XYLT1: variants seen among roughly 807,000 people sequenced by gnomAD.
The protein encoded by XYLT1 is beta-D-xylosyltransferase 1.
XYLT1 carries 36 observed loss-of-function variants against 91.3 expected under a neutral mutation model. The ratio of observed to expected loss-of-function variants is 0.39; its 90% CI spans 0.30 to 0.52. The LOEUF is 0.52. XYLT1 is among the 20% of genes least tolerant of loss of function. The probability of loss-of-function intolerance (pLI) is 0.68; values close to 1 mark genes in which losing one functional copy is unlikely to be tolerated. For missense variants in XYLT1, 1,242 were observed against 1,284.5 expected, an observed-to-expected ratio of 0.97 and a Z score of 0.51; for synonymous variants, 588 against 532.0, an observed-to-expected ratio of 1.11 and a Z score of -1.45.
chr16:17,453,416 A>G (rs2036693774), intron 1 of XYLT1, among the ~76,000 whole-genome samples: 1 of 152,222 alleles, frequency 6.6e-6, no homozygotes, highest in South Asian at 2.1e-4. Flanking sequence ...CAAACCTGAA[A>G]GATGGGTGGA....
intron 2 of XYLT1, chr16:17,338,538 A>T (rs756364549): frequency 4.4e-6 from 2 of 455,892 alleles, no homozygotes; most frequent in South Asian, 1.5e-5. Context: ...TGATTTTCTG[A>T]CAAGGCTCAA....
chr16:17,403,702 G>C (rs1167670302), intron 1 of XYLT1, among the ~76,000 whole-genome samples: 2 of 152,188 alleles, frequency 1.3e-5, no homozygotes, highest in Non-Finnish European at 2.9e-5. Context: ...GAAGAGACTT[G>C]GGTGTGAACA....
intron 1 of XYLT1, among the ~76,000 whole-genome samples, chr16:17,468,632 G>A (rs2036933201): frequency 6.6e-6 from 1 of 152,170 alleles, no homozygotes; most frequent in Non-Finnish European, 1.5e-5. Flanking sequence ...GAGAGGGGCT[G>A]GGGGTGGATG....
At chr16:17,369,318 A>T (rs1025864001) in intron 1 of XYLT1, among the ~76,000 whole-genome samples, 2 of 151,814 alleles carry the variant, frequency 1.3e-5, no homozygotes, top group Non-Finnish European at 2.9e-5. Flanking sequence ...TACTTTTTTT[A>T]AAATTAGGTG....
chr16:17,447,795 T>A (rs576094380), intron 1 of XYLT1, among the ~76,000 whole-genome samples: 13 of 152,310 alleles, frequency 8.5e-5, no homozygotes, highest in Non-Finnish European at 1.2e-4. Flanking sequence ...AGCCTCAATG[T>A]CCACATTTGT....
At chr16:17,301,297 C>T (rs1235454778) in intron 2 of XYLT1, among the ~76,000 whole-genome samples, 1 of 152,044 alleles carries the variant, frequency 6.6e-6, no homozygotes, top group African/African-American at 2.4e-5. Context: ...ATAATCCCAG[C>T]TACTCAGGAA....
chr16:17,206,114 AG>A (rs1162941176), intron 3 of XYLT1, among the ~76,000 whole-genome samples: 2 of 152,170 alleles, frequency 1.3e-5, no homozygotes, highest in African/African-American at 4.8e-5. Flanking sequence ...TCTGATTGTC[AG>A]TTCTTCATTT....
chr16:17,460,975 G>C (rs2036811865), intron 1 of XYLT1, among the ~76,000 whole-genome samples: 1 of 152,124 alleles, frequency 6.6e-6, no homozygotes, highest in South Asian at 2.1e-4. Flanking sequence ...TGCCAGGTAG[G>C]TGCCATCATG....
intron 3 of XYLT1, among the ~76,000 whole-genome samples, chr16:17,220,188 T>G (rs1309066242): frequency 6.6e-6 from 1 of 152,158 alleles, no homozygotes; most frequent in Non-Finnish European, 1.5e-5. Flanking sequence ...AGGAAACACA[T>G]GTAATGTTAA....
chr16:17,186,156 T>G (rs1296637752), intron 5 of XYLT1, among the ~76,000 whole-genome samples: 1 of 152,160 alleles, frequency 6.6e-6, no homozygotes, highest in Non-Finnish European at 1.5e-5. Context: ...CAGGCTGGAG[T>G]GCAGTGGCGC....
intron 8 of XYLT1, among the ~76,000 whole-genome samples, chr16:17,136,393 T>TGCTTCAGGAAACCTCTCTGTGGTGG (rs1567289656): frequency 6.6e-6 from 1 of 152,202 alleles, no homozygotes. Flanking sequence ...ATTGCCAGTC[T>TGCTTCAGGAAACCTCTCTGTGGTGG]GCTTCAGGAA....
intron 2 of XYLT1, among the ~76,000 whole-genome samples, chr16:17,266,363 C>T (rs1378673612): frequency 2.0e-5 from 3 of 152,158 alleles, no homozygotes; most frequent in Admixed American, 6.5e-5. Flanking sequence ...TTAAGAAACA[C>T]GTATGTCTTA....
intron 3 of XYLT1, among the ~76,000 whole-genome samples, chr16:17,214,902 G>A (rs753823698): frequency 8.5e-5 from 13 of 152,068 alleles, no homozygotes; most frequent in Non-Finnish European, 1.3e-4. Context: ...TTAATCTCAC[G>A]AAACCTCTGC....
intron 5 of XYLT1, among the ~76,000 whole-genome samples, chr16:17,187,393 CAAAAAAAAAAAA>C (rs71137979): frequency 3.6e-5 from 2 of 55,306 alleles, no homozygotes; most frequent in Admixed American, 2.7e-4. Flanking sequence ...GACTCAGTTT[CAAAAAAAAAAAA>C]AAAAAAAAAA....
At chr16:17,170,571 T>C (rs1392953432) in intron 5 of XYLT1, among the ~76,000 whole-genome samples, 1 of 152,196 alleles carries the variant, frequency 6.6e-6, no homozygotes, top group Non-Finnish European at 1.5e-5. Flanking sequence ...AGAGAACTCC[T>C]GCTTGCCTTT....
In XYLT1 at chr16:17,259,329, T is replaced by G; in HGVS notation, c.572A>C (p.Glu191Ala). The change falls in exon 3 of 12, where the codon GAG becomes GCG. Residue 191 changes from glutamate (E) to alanine (A), a missense_variant. This residue lies in a region of XYLT1 where 437 missense variants were observed against 411.5 expected (regional missense o/e 1.06). Transcript: ENST00000261381. ...LAKKPPSRQKELLKRKLEQQE... is the reference protein window; with the variant it reads ...LAKKPPSRQKALLKRKLEQQE... ...CTGTTCCAGCTTCCTTTTCAAAAGCTCCTTCTGTCTACTCGGTGGCTTCTT... is the reference window on the plus strand; with the variant it reads ...CTGTTCCAGCTTCCTTTTCAAAAGCGCCTTCTGTCTACTCGGTGGCTTCTT... 1 of 1,614,124 alleles carries G rather than the reference T, an allele frequency of 6.2e-7. No individual in the cohort carries two copies. The highest frequency in any genetic ancestry group is 8.5e-7 in the Non-Finnish European group (1 of 1,180,030).
chr16:17,271,184 T>C (rs115115898), intron 2 of XYLT1, among the ~76,000 whole-genome samples: 1 of 152,060 alleles, frequency 6.6e-6, no homozygotes, highest in Admixed American at 6.5e-5. Context: ...TGTTTTTAAG[T>C]GTCCCGAAGG....
chr16:17,325,484 T>C (rs913879500), intron 2 of XYLT1, among the ~76,000 whole-genome samples: 2 of 152,158 alleles, frequency 1.3e-5, no homozygotes, highest in African/African-American at 4.8e-5. Context: ...TTCTGACCAA[T>C]GAAAACAGCA....
At chr16:17,357,167 G>A (rs2035308716) in intron 2 of XYLT1, among the ~76,000 whole-genome samples, 1 of 89,368 alleles carries the variant, frequency 1.1e-5, no homozygotes, top group African/African-American at 5.2e-5. Context: ...ACAGAGACTC[G>A]GTCTCAAAAA....
Sources: gnomAD v4.1 joint callset for allele counts (sites outside exome capture counted in the v4.1 genomes callset) on GRCh38, gnomAD v4.1.1 for gene constraint, gnomAD v4.1.1 regional missense constraint, MANE v1.5 for transcripts, NCBI Gene and HGNC (gene_info 2026-07-23, HGNC 2026-07-21) for gene names.